GSN: variants seen among roughly 807,000 people sequenced by gnomAD.
The protein encoded by GSN is actin-depolymerizing factor.
In GSN, 56 loss-of-function variants were observed where a neutral mutation model predicts 85.7. The observed-to-expected ratio is 0.65, with a 90% CI of 0.53 to 0.82. The LOEUF is 0.82. Among genes scored for constraint, GSN ranks in the 40% least tolerant of loss-of-function variants. GSN has a pLI of 0.00. For missense variants in GSN, 857 were observed against 979.8 expected (o/e 0.87, Z 1.67); for synonymous variants, 373 against 399.1 (o/e 0.93, Z 0.78).
intron 5 of GSN, chr9:121,248,201 G>C (rs998793228): frequency 1.3e-5 from 2 of 150,640 alleles, no homozygotes; most frequent in Admixed American, 6.6e-5. Flanking sequence ...TAGCAGGGGG[G>C]TCAGAGTCTC....
intron 4 of GSN, among the ~76,000 whole-genome samples, chr9:121,228,418 ATATATATTTT>A (rs1394196848): frequency 3.4e-5 from 2 of 58,490 alleles, no homozygotes; most frequent in African/African-American, 2.1e-4. Flanking sequence ...ATATATATAT[ATATATATTTT>A]TTTTTTTTTT....
At position 121,332,305 on chromosome 9, in the gene GSN, G is replaced by T. The variant is rs2064019065; in HGVS notation, c.2027-129G>T. On this transcript the variant is annotated intron_variant, in intron 17 of 17. Coordinates refer to ENST00000432226, the MANE Select transcript of GSN (RefSeq NM_198252.3). The surrounding 1 kb of genome is among the most constrained non-coding windows in gnomAD (Gnocchi z 4.8). ...AAGGAGGATGGTGCCCAGGGCAGGGGGTGGGCAGTAGGGACAGTAGGACCA... is the reference window on the plus strand; with the variant it reads ...AAGGAGGATGGTGCCCAGGGCAGGGTGTGGGCAGTAGGGACAGTAGGACCA... 2 of 860,630 alleles carry T rather than the reference G, an allele frequency of 2.3e-6. No individual in the cohort carries two copies. Among genetic ancestry groups the T allele is most frequent in the Admixed American group, 1.7e-5 (1 of 57,446 alleles). The allele number at this position is 860,630 out of a possible 1,614,324, so 53.3% of individuals were successfully genotyped here.
intron 5 of GSN, among the ~76,000 whole-genome samples, chr9:121,232,758 GT>G (rs1401147856): frequency 6.6e-6 from 1 of 152,238 alleles, no homozygotes; most frequent in Non-Finnish European, 1.5e-5. Context: ...AAAGGCAACA[GT>G]TAGGTCTCAG....
chr9:121,323,282 C>G (rs1302128911), intron 11 of GSN, among the ~76,000 whole-genome samples: 1 of 151,496 alleles, frequency 6.6e-6, no homozygotes, highest in Non-Finnish European at 1.5e-5. Context: ...AACCATAGCA[C>G]AATTAACAAA....
In GSN at chr9:121,301,896, C is replaced by A. The variant is rs1046401343; in HGVS notation, c.-9-67C>A. On this transcript the variant is annotated intron_variant, in intron 2 of 17. Transcript: ENST00000432226. ...GCTCTTGGTGCTAGAAACCGCCCTC[C>A]CTCATGCCTGGGGTCTCTCCCTGCC... 4 of 1,610,974 alleles carry A rather than the reference C, an allele frequency of 2.5e-6. No homozygotes were observed. The African/African-American group carries it at 5.3e-5, about 22-fold the overall frequency.
At position 121,303,238 on chromosome 9, in the gene GSN, G is replaced by A. The variant is rs12685309; in HGVS notation, c.351+173G>A. The stretch of plus-strand genomic sequence containing the variant: ...TCCTGGCCTCTTTCTAGCCATGTGA[G>A]CTTGGACAAATCACACTGCCTTTCT... On this transcript the variant is annotated intron_variant, in intron 4 of 17. Coordinates refer to ENST00000432226, the MANE Select transcript of GSN (RefSeq NM_198252.3). 0.034 allele frequency among the ~76,000 whole-genome samples: 5,234 copies of A among 152,276 alleles called. 155 individuals carry two copies. Among genetic ancestry groups the A allele is most frequent in the Non-Finnish European group, 0.054 (3,650 of 68,002 alleles).
At position 121,299,382 on chromosome 9, in the gene GSN, A is replaced by G. The variant is rs1351453524; in HGVS notation, c.-9-2581A>G. ...GCAGCACCATTTACAAGCTGTGTGCAAGTTGCTTCACCACTCTGCGCTGTT... is the reference window on the plus strand; with the variant it reads ...GCAGCACCATTTACAAGCTGTGTGCGAGTTGCTTCACCACTCTGCGCTGTT... On this transcript the variant is annotated intron_variant, in intron 2 of 17. Transcript: ENST00000432226. The surrounding 1 kb of genome is among the most constrained non-coding windows in gnomAD (Gnocchi z 4.2). 1.2e-5 allele frequency: 12 copies of G among 973,110 alleles called. No homozygotes were observed. The highest frequency in any genetic ancestry group is 1.5e-5 in the Non-Finnish European group (12 of 818,834). The allele number at this position is 973,110 out of a possible 1,614,324, so 60.3% of individuals were successfully genotyped here.
chr9:121,231,589 T>A (rs1462308662), intron 5 of GSN, among the ~76,000 whole-genome samples: 1 of 152,084 alleles, frequency 6.6e-6, no homozygotes, highest in African/African-American at 2.4e-5. Flanking sequence ...TCAGTGGGTA[T>A]CAGAACTCCA....
chr9:121,243,275 TCTC>T (rs1190891294), intron 5 of GSN, among the ~76,000 whole-genome samples: 3 of 152,310 alleles, frequency 2.0e-5, no homozygotes, highest in Middle Eastern at 3.4e-3. Flanking sequence ...CATACTGCCT[TCTC>T]CTCCATGGTA....
chr9:121,213,857 G>A lies in GSN; in HGVS notation c.-528+2990G>A, dbSNP rs184822517. Among the ~76,000 whole-genome samples, 63 of 152,196 alleles carry A rather than the reference G, an allele frequency of 4.1e-4. 1 individual carries two copies. The highest frequency in any genetic ancestry group is 3.3e-4 in the Admixed American group (5 of 15,286). On this transcript the variant is annotated intron_variant, in intron 4 of 24. Transcript: ENST00000373823. The stretch of plus-strand genomic sequence containing the variant: ...GCCTTCTTTCCAAAATCCATAAAAC[G>A]ATAAAGAGCATTCATCAATGAATGA...
At chr9:121,258,018 G>A (rs1378239586) in intron 6 of GSN, among the ~76,000 whole-genome samples, 5 of 152,242 alleles carry the variant, frequency 3.3e-5, no homozygotes, top group African/African-American at 1.2e-4. Context: ...GTCTATAATT[G>A]CTTAAATGTG....
chr9:121,233,550 A>G (rs186600384), intron 5 of GSN, among the ~76,000 whole-genome samples: 1 of 152,282 alleles, frequency 6.6e-6, no homozygotes, highest in African/African-American at 2.4e-5. Flanking sequence ...TCAAATAAAG[A>G]TGCCATCTTT....
chr9:121,318,590 G>C lies in GSN; in HGVS notation c.976-75G>C, dbSNP rs548140389. ...GGGTGTCCCACCCTCAGTGTGGATG[G>C]GGTATCTGAGGCTCCCCTGGGGACC... On this transcript the variant is annotated intron_variant, in intron 9 of 17. Transcript: ENST00000432226. The surrounding 1 kb of genome is among the most constrained non-coding windows in gnomAD (Gnocchi z 4.3). 8.0e-5 allele frequency: 116 copies of C among 1,449,036 alleles called. 4 individuals carry two copies. In the South Asian group the frequency reaches 1.2e-3, roughly 15 times the overall value. 89.8% of individuals were successfully genotyped at this position (1,449,036 alleles called of 1,614,324 possible).
At chr9:121,243,917 A>T (rs572096809) in intron 5 of GSN, among the ~76,000 whole-genome samples, 1 of 152,208 alleles carries the variant, frequency 6.6e-6, no homozygotes, top group Non-Finnish European at 1.5e-5. Flanking sequence ...TGACCAGCAC[A>T]TATAGTTGTG....
chr9:121,285,913 C>T (rs2058013625), intron 2 of GSN, among the ~76,000 whole-genome samples: 1 of 152,168 alleles, frequency 6.6e-6, no homozygotes, highest in African/African-American at 2.4e-5. Context: ...AAATTGACGG[C>T]CTTGTGCTTA....
At chr9:121,271,790 C>T (rs1343083039) in intron 1 of GSN, among the ~76,000 whole-genome samples, 1 of 152,170 alleles carries the variant, frequency 6.6e-6, no homozygotes, top group Non-Finnish European at 1.5e-5. Context: ...CAGTGCAGGT[C>T]AATCTCCCCT....
intron 11 of GSN, among the ~76,000 whole-genome samples, chr9:121,322,678 C>A (rs2062625173): frequency 6.6e-6 from 1 of 152,200 alleles, no homozygotes; most frequent in Admixed American, 6.5e-5. Context: ...CTGTGAGAGT[C>A]CCTGGTTCCC....
intron 2 of GSN, among the ~76,000 whole-genome samples, chr9:121,298,599 A>G (rs186090883): frequency 6.6e-6 from 1 of 152,284 alleles, no homozygotes; most frequent in African/African-American, 2.4e-5. Flanking sequence ...GACCGATTTA[A>G]TTCTCAACTA....
At chr9:121,222,895 G>GA (rs1348387519) in intron 4 of GSN, 1 of 127,268 alleles carries the variant, frequency 7.9e-6, no homozygotes, top group Non-Finnish European at 1.8e-5. Flanking sequence ...CCTTGGACTT[G>GA]GGGGGGGGTC....
Sources: gnomAD v4.1 joint callset for allele counts (sites outside exome capture counted in the v4.1 genomes callset) on GRCh38, gnomAD v4.1.1 for gene constraint, Gnocchi (gnomAD v3.1) non-coding constraint, MANE v1.5 for transcripts, NCBI Gene and HGNC (gene_info 2026-07-23, HGNC 2026-07-21) for gene names.